CNDP1: variants seen among roughly 807,000 people sequenced by gnomAD.
CNDP1 encodes beta-Ala-His dipeptidase.
A neutral mutation model predicts 58.1 loss-of-function variants in CNDP1; 44 were observed. That is an observed-to-expected ratio of 0.76 (90% CI 0.60 to 0.97). The LOEUF is 0.97. Among genes scored for constraint, CNDP1 ranks in the 50% least tolerant of loss-of-function variants. The pLI, the probability that CNDP1 is intolerant of heterozygous loss-of-function variation, is 0.00. For missense variants in CNDP1, 616 were observed against 655.1 expected (o/e 0.94, Z 0.65); for synonymous variants, 254 against 252.6 (o/e 1.01, Z -0.05).
intron 6 of CNDP1, among the ~76,000 whole-genome samples, chr18:74,569,998 C>T (rs1247977486): frequency 7.3e-6 from 1 of 136,210 alleles, no homozygotes; most frequent in Non-Finnish European, 1.5e-5. Context: ...CCAGCCTGCC[C>T]AACATGGTGA....
intron 5 of CNDP1, among the ~76,000 whole-genome samples, chr18:74,562,801 A>C (rs1438720849): frequency 1.3e-5 from 2 of 152,238 alleles, no homozygotes; most frequent in Non-Finnish European, 2.9e-5. Context: ...GTTTCAACAC[A>C]AGGATGGTTT....
At chr18:74,540,756 G>A (rs1015005029) in intron 1 of CNDP1, among the ~76,000 whole-genome samples, 1 of 152,336 alleles carries the variant, frequency 6.6e-6, no homozygotes, top group Middle Eastern at 3.4e-3. Context: ...GATTGGCGAC[G>A]TTGTGGCCAT....
intron 5 of CNDP1, among the ~76,000 whole-genome samples, chr18:74,565,684 C>T (rs1981310149): frequency 1.3e-5 from 2 of 152,226 alleles, no homozygotes; most frequent in Admixed American, 1.3e-4. Flanking sequence ...GCCCCTGTGG[C>T]TTTGCAGGGT....
At chr18:74,583,843 A>T (rs1347561903) in intron 11 of CNDP1, 135 bp downstream of exon 11, 2 of 867,372 alleles carry the variant, frequency 2.3e-6, no homozygotes, top group African/African-American at 1.7e-5. Context: ...AAGAACAGAC[A>T]TTCATTCCTC....
chr18:74,561,790 C>T (rs1377903220), intron 4 of CNDP1, among the ~76,000 whole-genome samples: 1 of 152,114 alleles, frequency 6.6e-6, no homozygotes, highest in African/African-American at 2.4e-5. Flanking sequence ...ACAATGGGAT[C>T]TGTATTGCAA....
At position 74,545,951 on chromosome 18, in the gene CNDP1, T is replaced by G. The variant is rs1406334075; in HGVS notation, c.25-10387T>G. Among the ~76,000 whole-genome samples, 1 of 152,126 alleles carries G rather than the reference T, an allele frequency of 6.6e-6. No individual in the cohort carries two copies. The highest frequency in any genetic ancestry group is 1.5e-5 in the Non-Finnish European group (1 of 68,022). On this transcript the variant is annotated intron_variant, in intron 1 of 11. Coordinates refer to ENST00000358821, the MANE Select transcript of CNDP1 (RefSeq NM_032649.6). This position sits in a 1 kb window ranked among gnomAD's most constrained non-coding sequence, Gnocchi z 4.1. Reference sequence around the variant, plus strand: ...TCAAAACCGAGAGCCATGCCCTGTTTCCCCATTGGAAACACGCTTTTGCCT... The same window carrying G: ...TCAAAACCGAGAGCCATGCCCTGTTGCCCCATTGGAAACACGCTTTTGCCT...
At chr18:74,571,998 C>T (rs983452029) in intron 7 of CNDP1, among the ~76,000 whole-genome samples, 4 of 152,116 alleles carry the variant, frequency 2.6e-5, no homozygotes, top group Admixed American at 6.6e-5. Flanking sequence ...GTGTGCAGAA[C>T]GCTTGTCACG....
At chr18:74,551,642 G>T (rs1449954003) in intron 1 of CNDP1, among the ~76,000 whole-genome samples, 1 of 152,146 alleles carries the variant, frequency 6.6e-6, no homozygotes, top group Non-Finnish European at 1.5e-5. Context: ...TCAGGTCAGG[G>T]CATCAGGTCA....
At chr18:74,579,203 G>GCCTTCCCTTC (rs1555743780) in intron 9 of CNDP1, among the ~76,000 whole-genome samples, 135 of 125,616 alleles carry the variant, frequency 1.1e-3, no homozygotes, top group Middle Eastern at 4.3e-3. Flanking sequence ...CCCTTCCCTT[G>GCCTTCCCTTC]CCTTCCCTTC....
intron 3 of CNDP1, among the ~76,000 whole-genome samples, chr18:74,560,309 C>T (rs1176228679): frequency 8.5e-5 from 13 of 152,198 alleles, no homozygotes; most frequent in Admixed American, 3.3e-4. Flanking sequence ...CCACCGTGCC[C>T]GGCCCGTCTG....
intron 4 of CNDP1, 93 bp from the exon 5 acceptor site, chr18:74,561,954 G>C: frequency 1.0e-6 from 1 of 999,906 alleles, no homozygotes; most frequent in Non-Finnish European, 1.6e-6. Flanking sequence ...AGAAAGCACT[G>C]TTAACATCAG....
intron 1 of CNDP1, among the ~76,000 whole-genome samples, chr18:74,550,111 G>T (rs145200506): frequency 3.5e-4 from 53 of 152,162 alleles, no homozygotes; most frequent in African/African-American, 1.1e-3. Context: ...CCCCACATAG[G>T]GTCCCCACTG....
Position 74,580,284 on chromosome 18 carries a change from G to GATCT in CNDP1, c.1309+14_1309+17dup. 6.2e-7 allele frequency: 1 copy of GATCT among 1,613,842 alleles called. No individual in the cohort carries two copies. Among genetic ancestry groups the GATCT allele is most frequent in the Non-Finnish European group, 8.5e-7 (1 of 1,179,774 alleles). Reference sequence around the variant, plus strand: ...GCGATCAGAACAGGTGGGACCTTAAGATCTTCTGACTGGCCAATCTGCACT... The same window carrying GATCT: ...GCGATCAGAACAGGTGGGACCTTAAGATCTATCTTCTGACTGGCCAATCTGCACT... On this transcript the variant is annotated intron_variant, in intron 10 of 11. Transcript: ENST00000358821.
intron 5 of CNDP1, among the ~76,000 whole-genome samples, chr18:74,566,715 A>C (rs1451273011): frequency 6.6e-6 from 1 of 152,236 alleles, no homozygotes; most frequent in East Asian, 1.9e-4. Flanking sequence ...AGGAAGTTCC[A>C]AACTTTCCAC....
chr18:74,549,197 C>T (rs1006616230), intron 1 of CNDP1, among the ~76,000 whole-genome samples: 1 of 152,180 alleles, frequency 6.6e-6, no homozygotes, highest in African/African-American at 2.4e-5. Context: ...CTATTTATGG[C>T]ATTCTGGTTT....
chr18:74,539,977 T>G (rs1440848326), intron 1 of CNDP1, among the ~76,000 whole-genome samples: 1 of 152,214 alleles, frequency 6.6e-6, no homozygotes, highest in Non-Finnish European at 1.5e-5. Context: ...AGCACATGTG[T>G]GTATATCAAC....
intron 7 of CNDP1, among the ~76,000 whole-genome samples, chr18:74,574,300 C>A (rs1386508417): frequency 6.6e-6 from 1 of 152,226 alleles, no homozygotes; most frequent in Admixed American, 6.5e-5. Flanking sequence ...AAGTTAGTTC[C>A]CTGTCTGAAA....
intron 1 of CNDP1, among the ~76,000 whole-genome samples, chr18:74,537,209 T>G: frequency 6.6e-6 from 1 of 152,236 alleles, no homozygotes; most frequent in East Asian, 1.9e-4. Flanking sequence ...AATCTTTGCC[T>G]GTTCCTATGT....
At position 74,567,221 on chromosome 18, in the gene CNDP1, G is replaced by A; in HGVS notation, c.556-12G>A. 1.2e-6 allele frequency: 2 copies of A among 1,612,384 alleles called. No individual in the cohort carries two copies. Among genetic ancestry groups the A allele is most frequent in the South Asian group, 1.1e-5 (1 of 91,036 alleles). ...GCAACTTGTGCAATTTTTTTCTTCT[G>A]TTGTTACTTAGGATCTTCCTGTGAA... On this transcript the variant is annotated splice_polypyrimidine_tract_variant and intron_variant, in intron 5 of 11. Transcript: ENST00000358821.
Sources: gnomAD v4.1 joint callset for allele counts (sites outside exome capture counted in the v4.1 genomes callset) on GRCh38, gnomAD v4.1.1 for gene constraint, Gnocchi (gnomAD v3.1) non-coding constraint, MANE v1.5 for transcripts, NCBI Gene and HGNC (gene_info 2026-07-23, HGNC 2026-07-21) for gene names.